The following HMGA2 variants were observed in gnomAD, a reference collection of about 807,000 sequenced individuals.
HMGA2 encodes high mobility group protein HMGI-C.
In HMGA2, 8 loss-of-function variants were observed where a neutral mutation model predicts 19.1. The observed-to-expected ratio is 0.42, with a 90% CI of 0.25 to 0.76. The LOEUF is 0.76. HMGA2 is among the 30% of genes least tolerant of loss of function. The pLI, the probability that HMGA2 is intolerant of heterozygous loss-of-function variation, is 0.28. For missense variants in HMGA2, 109 were observed against 136.3 expected (o/e 0.80, Z 1.00); for synonymous variants, 60 against 48.8 (o/e 1.23, Z -0.96).
At chr12:65,902,967 TAGAA>T (rs901460662) in intron 3 of HMGA2, among the ~76,000 whole-genome samples, 1 of 152,172 alleles carries the variant, frequency 6.6e-6, no homozygotes, top group Non-Finnish European at 1.5e-5. Flanking sequence ...GTAGTAGTAT[TAGAA>T]AGAAAATAAA....
chr12:65,887,590 G>A (rs1873712156), intron 3 of HMGA2, among the ~76,000 whole-genome samples: 1 of 152,052 alleles, frequency 6.6e-6, no homozygotes, highest in African/African-American at 2.4e-5. Flanking sequence ...GGGCATGGTG[G>A]TGCGAGCCTG....
At chr12:65,951,798 C>A in intron 4 of HMGA2, 1 of 177,956 alleles carries the variant, frequency 5.6e-6, no homozygotes, top group Non-Finnish European at 1.2e-5. Flanking sequence ...TTTAATGATT[C>A]ATGACTGGAA....
At chr12:65,885,317 T>C (rs1873609075) in intron 3 of HMGA2, among the ~76,000 whole-genome samples, 1 of 152,202 alleles carries the variant, frequency 6.6e-6, no homozygotes. Context: ...TAGTGGGTTT[T>C]TTAAATGACA....
At chr12:65,905,247 T>G (rs763413968) in intron 3 of HMGA2, among the ~76,000 whole-genome samples, 1 of 152,134 alleles carries the variant, frequency 6.6e-6, no homozygotes, top group Non-Finnish European at 1.5e-5. Flanking sequence ...GGCATTTTTC[T>G]GTATAATTAA....
chr12:65,945,905 C>T (rs1018973504), intron 3 of HMGA2, among the ~76,000 whole-genome samples: 5 of 152,180 alleles, frequency 3.3e-5, no homozygotes, highest in African/African-American at 1.2e-4. Flanking sequence ...AAACTGGCTA[C>T]ACTTGTGTGG....
intron 3 of HMGA2, among the ~76,000 whole-genome samples, chr12:65,922,343 T>C (rs1224379749): frequency 6.6e-6 from 1 of 152,178 alleles, no homozygotes; most frequent in Non-Finnish European, 1.5e-5. Flanking sequence ...ACCAACCTCT[T>C]ACATCAGTAT....
intron 3 of HMGA2, chr12:65,881,779 C>A (rs866156996): frequency 1.4e-6 from 1 of 703,082 alleles, no homozygotes; most frequent in Non-Finnish European, 2.6e-6. Context: ...GTGAAGGAAG[C>A]CTGCTGATCC....
At chr12:65,861,309 T>A (rs1001201993) in intron 3 of HMGA2, among the ~76,000 whole-genome samples, 6 of 152,134 alleles carry the variant, frequency 3.9e-5, no homozygotes, top group Non-Finnish European at 7.3e-5. Context: ...GAGGTTGCAG[T>A]GAGCCCAGAT....
chr12:65,828,742 C>A (rs1293216957), intron 2 of HMGA2: 1 of 153,086 alleles, frequency 6.5e-6, no homozygotes, highest in Non-Finnish European at 1.5e-5. Flanking sequence ...CTGAATTGGA[C>A]AATGAGACTT....
intron 3 of HMGA2, chr12:65,857,756 T>C (rs1370270623): frequency 6.6e-6 from 1 of 152,240 alleles, no homozygotes; most frequent in Admixed American, 6.5e-5. Flanking sequence ...CTGACTTTTA[T>C]ATATGTGATT....
chr12:65,932,701 A>G (rs1467092413), intron 3 of HMGA2, among the ~76,000 whole-genome samples: 1 of 152,196 alleles, frequency 6.6e-6, no homozygotes, highest in Non-Finnish European at 1.5e-5. Context: ...TCCCTCCTTG[A>G]ATAGTACTAC....
intron 4 of HMGA2, among the ~76,000 whole-genome samples, chr12:65,959,415 T>C (rs930230967): frequency 3.9e-5 from 6 of 152,162 alleles, no homozygotes; most frequent in African/African-American, 1.2e-4. Flanking sequence ...GTAGTTATAA[T>C]AAAAATATAG....
At chr12:65,963,100 G>A (rs1334566695) in intron 4 of HMGA2, 145 bp from the exon 5 acceptor site, 1 of 719,702 alleles carries the variant, frequency 1.4e-6, no homozygotes, top group African/African-American at 1.8e-5. Context: ...AGAAGCCCTG[G>A]GAATGAGGGC....
intron 3 of HMGA2, among the ~76,000 whole-genome samples, chr12:65,855,150 G>C (rs533990899): frequency 1.3e-5 from 2 of 152,256 alleles, no homozygotes; most frequent in African/African-American, 4.8e-5. Context: ...ACACATGCCT[G>C]TTTCGTCCTG....
chr12:65,941,278 T>A (rs1030071110), intron 3 of HMGA2, among the ~76,000 whole-genome samples: 1 of 152,136 alleles, frequency 6.6e-6, no homozygotes, highest in Admixed American at 6.5e-5. Flanking sequence ...GGAAAGGTCA[T>A]CAATCCAGAG....
chr12:65,830,680 G>GA (rs1421564504), intron 2 of HMGA2: 2 of 151,892 alleles, frequency 1.3e-5, no homozygotes, highest in Non-Finnish European at 1.5e-5. Context: ...TGGGACATTT[G>GA]AAAACAAAGC....
At position 65,963,312 on chromosome 12, in the gene HMGA2, T is replaced by C; in HGVS notation, c.*20T>C. ...GACTAGGGGGCGCCAACGTTCGATT[T>C]CTACCTCAGCAGCAGTTGGATCTTT... On this transcript the variant is annotated 3_prime_UTR_variant, in exon 5 of 5. Coordinates refer to ENST00000403681, the MANE Select transcript of HMGA2 (RefSeq NM_003483.6). 6.2e-7 allele frequency: 1 copy of C among 1,611,826 alleles called. No individual in the cohort carries two copies. The highest frequency in any genetic ancestry group is 8.5e-7 in the Non-Finnish European group (1 of 1,178,620).
intron 3 of HMGA2, among the ~76,000 whole-genome samples, chr12:65,897,739 C>T (rs1350006722): frequency 1.3e-5 from 2 of 152,194 alleles, no homozygotes; most frequent in Non-Finnish European, 2.9e-5. Flanking sequence ...GCAGGCAGAT[C>T]ACCTGAGGTC....
Position 65,881,650 on chromosome 12 carries a change from G to A in HMGA2, c.249+43081G>A. On this transcript the variant is annotated intron_variant, in intron 3 of 4. Transcript: ENST00000403681. ...AAGGAGGGAGGGAGGGAGGGAGGGA[G>A]AAAGAGAGAGAGAGAGGGGAGAAAT... The A allele has an allele frequency of 1.0e-5, 7 of 670,974 alleles. No homozygotes were observed. The South Asian group carries it at 1.2e-4, about 11-fold the overall frequency. The allele number at this position is 670,974 out of a possible 1,614,324, so 41.6% of individuals were successfully genotyped here. A position where few individuals can be genotyped will look rare whatever the true frequency, so the allele number is the denominator to read the frequency against.
Sources: allele counts gnomAD v4.1 joint callset (sites outside exome capture counted in the v4.1 genomes callset), GRCh38; gene constraint gnomAD v4.1.1; transcripts MANE v1.5; gene names NCBI Gene and HGNC (gene_info 2026-07-23, HGNC 2026-07-21).